Variants in NT5DC1 observed in about 807,000 individuals in gnomAD.
The protein encoded by NT5DC1 is 5'-nucleotidase domain containing 1.
Under a neutral mutation model 59.4 loss-of-function variants are expected in NT5DC1, and 42 were observed. That is an observed-to-expected ratio of 0.71 (90% CI 0.55 to 0.92). The LOEUF (loss-of-function observed/expected upper bound fraction) is 0.92, where lower values mean the gene tolerates loss of function less well. Among genes scored for constraint, NT5DC1 ranks in the 40% least tolerant of loss-of-function variants. NT5DC1 has a pLI of 0.00. For missense variants in NT5DC1, 501 were observed against 537.1 expected, an observed-to-expected ratio of 0.93 and a Z score of 0.66; for synonymous variants, 172 against 188.1, an observed-to-expected ratio of 0.91 and a Z score of 0.70.
chr6:116,234,034 G>A (rs2114556571), intron 8 of NT5DC1, among the ~76,000 whole-genome samples: 1 of 124,700 alleles, frequency 8.0e-6, no homozygotes, highest in African/African-American at 3.1e-5. Flanking sequence ...CTGAAGTCCA[G>A]TCTGCAATCG....
chr6:116,120,389 T>C (rs769647563), intron 6 of NT5DC1: 46 of 1,614,256 alleles, frequency 2.8e-5, no homozygotes, highest in Admixed American at 3.3e-5. Context: ...TTGCCTGTTA[T>C]ACAAAATTTT....
At chr6:116,217,248 CT>C (rs1781703667) in intron 6 of NT5DC1, among the ~76,000 whole-genome samples, 1 of 152,160 alleles carries the variant, frequency 6.6e-6, no homozygotes. Context: ...GCATATCAGA[CT>C]GTTGCAACAC....
At position 116,233,301 on chromosome 6, in the gene NT5DC1, T is replaced by G. The variant is rs190377393; in HGVS notation, c.803-3665T>G. On this transcript the variant is annotated intron_variant, in intron 8 of 11. Transcript: ENST00000319550. The stretch of plus-strand genomic sequence containing the variant: ...AATTTGAGGGACATTGTGAAAATAA[T>G]AAACTATAAAATTCAGTTCAAAGGG... Among the ~76,000 whole-genome samples the G allele has an allele frequency of 2.1e-4, 32 of 152,344 alleles. No homozygotes were observed. In the East Asian group the frequency reaches 5.0e-3, roughly 24 times the overall value.
At position 116,165,096 on chromosome 6, in the gene NT5DC1, C is replaced by CGAAAA. The variant is rs1554197220; in HGVS notation, c.529+47151_529+47152insGAAAA. The stretch of plus-strand genomic sequence containing the variant: ...TAGGCGACAGAGCGAGACTCCGTCT[C>CGAAAA]AGAAAAAAAAAAAAAAAAAAAATTA... On this transcript the variant is annotated intron_variant, in intron 6 of 11. Coordinates refer to ENST00000319550, the MANE Select transcript of NT5DC1 (RefSeq NM_152729.3). 1.3e-4 allele frequency among the ~76,000 whole-genome samples: 3 copies of CGAAAA among 22,408 alleles called. No homozygotes were observed. The African/African-American group carries it at 2.6e-3, about 20-fold the overall frequency. The allele number at this position is 22,408 out of a possible 152,430, so 14.7% of individuals were successfully genotyped here.
At chr6:116,162,119 T>C (rs1484138200) in intron 6 of NT5DC1, among the ~76,000 whole-genome samples, 1 of 152,176 alleles carries the variant, frequency 6.6e-6, no homozygotes, top group East Asian at 1.9e-4. Context: ...TTATGGTGTG[T>C]TAATTTTGTA....
At chr6:116,175,004 A>G (rs924206365) in intron 6 of NT5DC1, among the ~76,000 whole-genome samples, 2 of 152,192 alleles carry the variant, frequency 1.3e-5, no homozygotes, top group African/African-American at 4.8e-5. Context: ...TTAGTAAGGG[A>G]TATAGAATAT....
chr6:116,112,378 A>G (rs2114904690), intron 4 of NT5DC1, among the ~76,000 whole-genome samples: 1 of 152,342 alleles, frequency 6.6e-6, no homozygotes, highest in East Asian at 1.9e-4. Context: ...CTGTGATACC[A>G]CAGCCCAATT....
chr6:116,155,290 A>G (rs528526645), intron 6 of NT5DC1, among the ~76,000 whole-genome samples: 1 of 152,248 alleles, frequency 6.6e-6, no homozygotes, highest in Non-Finnish European at 1.5e-5. Context: ...GATATCTGGG[A>G]TAATCTGAGA....
chr6:116,188,586 T>G (rs569272239), intron 6 of NT5DC1, among the ~76,000 whole-genome samples: 1 of 152,008 alleles, frequency 6.6e-6, no homozygotes, highest in East Asian at 1.9e-4. Flanking sequence ...TAAAATGGGT[T>G]ACACTAGAGC....
intron 6 of NT5DC1, among the ~76,000 whole-genome samples, chr6:116,191,757 T>G (rs1209418347): frequency 6.6e-6 from 1 of 152,058 alleles, no homozygotes; most frequent in Non-Finnish European, 1.5e-5. Flanking sequence ...ATGAGGTGTT[T>G]CTCCTAATAC....
At chr6:116,106,478 T>C (rs1040225780) in intron 2 of NT5DC1, 143 bp downstream of exon 2, 1 of 595,324 alleles carries the variant, frequency 1.7e-6, no homozygotes, top group African/African-American at 1.9e-5. Context: ...GCCTTCTATA[T>C]TAAAAGTTTT....
chr6:116,194,525 A>G (rs1781185506), intron 6 of NT5DC1, among the ~76,000 whole-genome samples: 1 of 152,038 alleles, frequency 6.6e-6, no homozygotes. Context: ...TTAAAAATTG[A>G]TTGAACAGAT....
chr6:116,191,726 A>C (rs1286554105), intron 6 of NT5DC1, among the ~76,000 whole-genome samples: 1 of 152,046 alleles, frequency 6.6e-6, no homozygotes, highest in African/African-American at 2.4e-5. Context: ...AGTTTATATA[A>C]GTTTCTAGGA....
At chr6:116,223,414 T>C (rs1396814431) in intron 8 of NT5DC1, among the ~76,000 whole-genome samples, 1 of 152,244 alleles carries the variant, frequency 6.6e-6, no homozygotes, top group East Asian at 1.9e-4. Context: ...GGATTACTTG[T>C]GATAAATCAG....
At chr6:116,235,195 C>A (rs1251953145) in intron 8 of NT5DC1, among the ~76,000 whole-genome samples, 2 of 152,058 alleles carry the variant, frequency 1.3e-5, no homozygotes, top group Non-Finnish European at 2.9e-5. Flanking sequence ...TGAGTCTTTT[C>A]AGAAGTATTT....
intron 6 of NT5DC1, among the ~76,000 whole-genome samples, chr6:116,208,132 C>T (rs1781496459): frequency 6.6e-6 from 1 of 151,936 alleles, no homozygotes; most frequent in Admixed American, 6.6e-5. Flanking sequence ...CTTATGATTT[C>T]TATGTTCCTG....
chr6:116,143,905 C>G (rs1288449766), intron 6 of NT5DC1, among the ~76,000 whole-genome samples: 1 of 152,062 alleles, frequency 6.6e-6, no homozygotes, highest in Non-Finnish European at 1.5e-5. Flanking sequence ...TAATCTGTAA[C>G]AATTACCAAA....
chr6:116,107,239 T>A (rs1372291091), intron 2 of NT5DC1, among the ~76,000 whole-genome samples: 1 of 147,638 alleles, frequency 6.8e-6, no homozygotes, highest in Non-Finnish European at 1.5e-5. Context: ...TGATCTAGTA[T>A]GCATTCTTTT....
In NT5DC1 at chr6:116,245,475, A is replaced by G. The variant is rs1771830013; in HGVS notation, c.*1451A>G. On this transcript the variant is annotated 3_prime_UTR_variant, in exon 12 of 12. Coordinates refer to ENST00000319550, the MANE Select transcript of NT5DC1 (RefSeq NM_152729.3). The stretch of plus-strand genomic sequence containing the variant: ...AGGGTAAGTAACAAAAAAACAAACA[A>G]AAAAAATCACTGAAATTTTTCCCTC... 6.6e-6 allele frequency: 1 copy of G among 152,492 alleles called. No homozygotes were observed. Among genetic ancestry groups the G allele is most frequent in the African/African-American group, 2.4e-5 (1 of 41,416 alleles). The allele number at this position is 152,492 out of a possible 1,614,324, so 9.4% of individuals were successfully genotyped here.
Sources: allele counts gnomAD v4.1 joint callset (sites outside exome capture counted in the v4.1 genomes callset), GRCh38; gene constraint gnomAD v4.1.1; transcripts MANE v1.5; gene names NCBI Gene and HGNC (gene_info 2026-07-23, HGNC 2026-07-21).